The following CD33 variants were observed in gnomAD, a reference collection of about 807,000 sequenced individuals.
CD33 encodes the protein CD33 molecule.
Under a neutral mutation model 31.4 loss-of-function variants are expected in CD33, and 25 were observed. The observed-to-expected ratio is 0.80, with a 90% CI of 0.58 to 1.11. The LOEUF (loss-of-function observed/expected upper bound fraction) is 1.11, where lower values mean the gene tolerates loss of function less well. Among genes scored for constraint, CD33 ranks in the 50% most tolerant of loss-of-function variants. The pLI, the probability that CD33 is intolerant of heterozygous loss-of-function variation, is 0.00. For missense variants in CD33, 407 were observed against 448.1 expected (o/e 0.91, Z 0.83); for synonymous variants, 176 against 180.6 (o/e 0.97, Z 0.20).
At chr19:51,236,823 GC>G (rs1172890709) in intron 6 of CD33, 2 of 152,228 alleles carry the variant, frequency 1.3e-5, no homozygotes, top group East Asian at 1.9e-4. Context: ...TGAGCCGAGA[GC>G]CCCTCTTACT....
Position 51,225,279 on chromosome 19 carries a change from G to A in CD33, c.99G>A (p.Glu33=). The A allele has an allele frequency of 6.2e-7, 1 of 1,614,162 alleles. No individual in the cohort carries two copies. Among genetic ancestry groups the A allele is most frequent in the East Asian group, 2.2e-5 (1 of 44,872 alleles). ...LQVQESVTVQ[E]GLCVLVPCTF... is the part of the protein sequence containing the mutation. ...TGCAGGAGTCAGTGACGGTACAGGA[G>A]GGTTTGTGCGTCCTCGTGCCCTGCA... The change falls in exon 2 of 7, where the codon GAG becomes GAA. Residue 33 remains glutamate (E), a synonymous_variant. Transcript: ENST00000262262.
upstream of CD33, among the ~76,000 whole-genome samples, chr19:51,222,492 A>G (rs758216686): frequency 6.6e-6 from 1 of 152,242 alleles, no homozygotes; most frequent in Non-Finnish European, 1.5e-5. Flanking sequence ...ATAGGTGAGA[A>G]ATAAAACATT....
At chr19:51,211,442 G>T in the CD33 span, 1 of 1,567,816 alleles carries the variant, frequency 6.4e-7, no homozygotes, top group South Asian at 1.2e-5. Context: ...GGCTGATTCC[G>T]CCTCCTTGGG....
At chr19:51,225,768 C>G in intron 2 of CD33, 35 bp from the exon 3 acceptor site, 1 of 1,598,300 alleles carries the variant, frequency 6.3e-7, no homozygotes, top group Non-Finnish European at 8.5e-7. Flanking sequence ...TGGACCCTCC[C>G]TCCTGATTCT....
At chr19:51,211,529 T>G in the CD33 span, 8 of 1,529,568 alleles carry the variant, frequency 5.2e-6, no homozygotes, top group African/African-American at 1.1e-4. Flanking sequence ...TTCTTTCGGA[T>G]GGAGAGAGGA....
chr19:51,212,118 G>T, the CD33 span: 26 of 577,572 alleles, frequency 4.5e-5, no homozygotes, highest in Non-Finnish European at 7.5e-5. Context: ...GTGATGGGGG[G>T]AGGACCAGGA....
At chr19:51,233,939 C>T (rs1204485520) in intron 4 of CD33, among the ~76,000 whole-genome samples, 1 of 152,190 alleles carries the variant, frequency 6.6e-6, no homozygotes, top group African/African-American at 2.4e-5. Context: ...CAAATCTTTG[C>T]TGTGGTTTAT....
chr19:51,216,688 C>T, the CD33 span, among the ~76,000 whole-genome samples: 1 of 151,416 alleles, frequency 6.6e-6, no homozygotes, highest in African/African-American at 2.4e-5. Flanking sequence ...AAAAGATATT[C>T]TGAAGACAAG....
the CD33 span, among the ~76,000 whole-genome samples, chr19:51,216,486 A>G: frequency 6.6e-6 from 1 of 151,982 alleles, no homozygotes; most frequent in Non-Finnish European, 1.5e-5. Context: ...GAGGTAGTGG[A>G]TCACCTGAGA....
chr19:51,222,680 G>A (rs1377830955), upstream of CD33, among the ~76,000 whole-genome samples: 1 of 152,120 alleles, frequency 6.6e-6, no homozygotes. Flanking sequence ...ACATATCAGT[G>A]GTTGCCCAGC....
At chr19:51,216,516 C>G in the CD33 span, among the ~76,000 whole-genome samples, 2 of 151,950 alleles carry the variant, frequency 1.3e-5, no homozygotes, top group East Asian at 1.9e-4. Context: ...CGAGACCGGC[C>G]TGACCAACAA....
chr19:51,223,449 G>C (rs192632937), upstream of CD33, among the ~76,000 whole-genome samples: 64 of 152,180 alleles, frequency 4.2e-4, 2 homozygotes, highest in East Asian at 0.01. Context: ...AGGGATCAAC[G>C]GTTTGCTGGA....
At chr19:51,231,143 C>T (rs1981377101) in intron 4 of CD33, among the ~76,000 whole-genome samples, 1 of 152,234 alleles carries the variant, frequency 6.6e-6, no homozygotes, top group South Asian at 2.1e-4. Context: ...TAAACCGTCA[C>T]AGCTATGCTT....
chr19:51,213,324 T>C, the CD33 span, among the ~76,000 whole-genome samples: 3 of 151,954 alleles, frequency 2.0e-5, no homozygotes, highest in Non-Finnish European at 4.4e-5. Context: ...ATGCTCACAA[T>C]GTTCTTTAAC....
At chr19:51,237,998 G>A (rs1172956309) in intron 6 of CD33, 2 of 152,282 alleles carry the variant, frequency 1.3e-5, no homozygotes, top group African/African-American at 4.8e-5. Flanking sequence ...GTGGAGTGAT[G>A]GAGTGCATGC....
chr19:51,235,348 G>T, intron 5 of CD33, 95 bp downstream of exon 5: 1 of 1,309,576 alleles, frequency 7.6e-7, no homozygotes, highest in South Asian at 1.2e-5. Flanking sequence ...CTGGAGAAAG[G>T]GCAGGGGGTG....
Position 51,225,148 on chromosome 19 carries a change from G to C in CD33, c.30G>C (p.Leu10=). 6.2e-7 allele frequency: 1 copy of C among 1,614,066 alleles called. No individual in the cohort carries two copies. The highest frequency in any genetic ancestry group is 1.7e-4 in the Middle Eastern group (1 of 6,018). Residue 10 remains leucine (L), a synonymous_variant, in exon 1 of 7, where the codon CTG becomes CTC. Transcript: ENST00000262262. Reference sequence around the variant, plus strand: ...CGCTGCTGCTACTGCTGCCCCTGCTGTGGGCAGGTGAGTGGCTGTGGGGAG... The same window carrying C: ...CGCTGCTGCTACTGCTGCCCCTGCTCTGGGCAGGTGAGTGGCTGTGGGGAG... MPLLLLLPL[L]WAGALAMDPN...
In CD33 at chr19:51,225,397, G is replaced by A; in HGVS notation, c.217G>A (p.Val73Met). ...EGAIISRDSP[V>M]ATNKLDQEVQ... ...AGCCATTATATCCAGGGACTCTCCA[G>A]TGGCCACAAACAAGCTAGATCAAGA... is the stretch of plus-strand genomic sequence containing the variant. The change falls in exon 2 of 7, where the codon GTG (valine) becomes ATG (methionine). Residue 73 changes from valine (V) to methionine (M), a missense_variant. Val to Met is a conservative substitution (Grantham distance 21). Transcript: ENST00000262262. The A allele has an allele frequency of 6.2e-7, 1 of 1,614,196 alleles. No individual in the cohort carries two copies. Among genetic ancestry groups the A allele is most frequent in the East Asian group, 2.2e-5 (1 of 44,878 alleles).
chr19:51,217,199 G>A, the CD33 span, among the ~76,000 whole-genome samples: 3 of 152,154 alleles, frequency 2.0e-5, no homozygotes, highest in Admixed American at 6.5e-5. Context: ...GATCCTCCAG[G>A]AAGAGGAATG....
Sources: allele counts gnomAD v4.1 joint callset (sites outside exome capture counted in the v4.1 genomes callset), GRCh38; gene constraint gnomAD v4.1.1; transcripts MANE v1.5; gene names NCBI Gene and HGNC (gene_info 2026-07-23, HGNC 2026-07-21).